ANKRD26: variants seen among roughly 807,000 people sequenced by gnomAD.
The protein encoded by ANKRD26 is ankyrin repeat domain 26, also known as ankyrin repeat domain-containing protein 26.
ANKRD26 carries 141 observed loss-of-function variants against 208.7 expected under a neutral mutation model. That is an observed-to-expected ratio of 0.68 (90% confidence interval 0.59 to 0.78). The LOEUF (loss-of-function observed/expected upper bound fraction) is 0.78. Among genes scored for constraint, ANKRD26 ranks in the 30% least tolerant of loss-of-function variants. The pLI is 0.00. For synonymous variants in ANKRD26, 636 were observed against 660.4 expected, an observed-to-expected ratio of 0.96 and a Z score of 0.57; for missense variants, 1,889 against 1,938.7, an observed-to-expected ratio of 0.97 and a Z score of 0.48.
chr10:26,975,928 T>A (rs1365952604), exon 6 of ANKRD26, among the ~76,000 whole-genome samples: 1 of 151,890 alleles, frequency 6.6e-6, no homozygotes, highest in South Asian at 2.1e-4. Context: ...ACGTAGGCAT[T>A]ACGTAGGATA....
the ANKRD26 span, among the ~76,000 whole-genome samples, chr10:26,953,321 G>C: frequency 7.2e-5 from 11 of 152,202 alleles, no homozygotes; most frequent in Non-Finnish European, 1.5e-4. Flanking sequence ...TACTCAGGAG[G>C]CTGAGGCAGG....
intron 5 of ANKRD26, 106 bp downstream of exon 5, chr10:27,086,433 T>C: frequency 6.9e-7 from 1 of 1,454,872 alleles, no homozygotes; most frequent in South Asian, 1.2e-5. Context: ...ACATGCACCT[T>C]ATACACTGAT....
chr10:27,010,417 T>C (rs2053058019), intron 32 of ANKRD26, among the ~76,000 whole-genome samples: 1 of 152,250 alleles, frequency 6.6e-6, no homozygotes, highest in Non-Finnish European at 1.5e-5. Context: ...AAAATGTTGT[T>C]ACCTGAGTTT....
intron 9 of ANKRD26, among the ~76,000 whole-genome samples, chr10:27,075,806 T>G (rs999622315): frequency 1.9e-4 from 29 of 152,316 alleles, no homozygotes; most frequent in Admixed American, 1.4e-3. Context: ...TACATGCTTT[T>G]AATAGGCATA....
intron 1 of ANKRD26, 31 bp downstream of exon 1, chr10:27,100,054 G>GCA: frequency 6.2e-7 from 1 of 1,612,696 alleles, no homozygotes; most frequent in Non-Finnish European, 8.5e-7. Context: ...TACTCCAGTG[G>GCA]CACTCAGTCC....
At chr10:27,051,512 G>C in intron 16 of ANKRD26, 7 of 1,022,892 alleles carry the variant, frequency 6.8e-6, no homozygotes, top group Non-Finnish European at 8.2e-6. Flanking sequence ...CTACTTCTGG[G>C]TTCCTTACTT....
intron 17 of ANKRD26, among the ~76,000 whole-genome samples, chr10:27,048,590 A>G (rs1179165943): frequency 6.6e-6 from 1 of 152,148 alleles, no homozygotes; most frequent in Non-Finnish European, 1.5e-5. Context: ...ATTTGCCATC[A>G]CTGGGTATTA....
At chr10:27,061,458 T>C (rs2055053028) in intron 12 of ANKRD26, among the ~76,000 whole-genome samples, 3 of 152,182 alleles carry the variant, frequency 2.0e-5, no homozygotes, top group Admixed American at 2.0e-4. Flanking sequence ...CTCTAAAGGA[T>C]TTTATGAAAC....
At chr10:27,002,378 G>A (rs1224803427), downstream of ANKRD26, among the ~76,000 whole-genome samples, 1 of 152,196 alleles carries the variant, frequency 6.6e-6, no homozygotes, top group African/African-American at 2.4e-5. Context: ...TCTGGGTGGA[G>A]TTTGCACGTT....
intron 4 of ANKRD26, among the ~76,000 whole-genome samples, 159 bp from the exon 5 acceptor site, chr10:27,086,768 G>GTTTTTTTTTT (rs36035101): frequency 5.2e-5 from 5 of 97,016 alleles, no homozygotes; most frequent in Admixed American, 2.9e-4. Flanking sequence ...AAACTTTTTT[G>GTTTTTTTTTT]TTTTTTTTTT....
downstream of ANKRD26, among the ~76,000 whole-genome samples, chr10:26,990,989 G>A (rs2052475699): frequency 6.6e-6 from 1 of 152,218 alleles, no homozygotes; most frequent in South Asian, 2.1e-4. Context: ...ACCACTCTCT[G>A]CCTGCGCAGA....
intron 25 of ANKRD26, among the ~76,000 whole-genome samples, chr10:27,031,456 CTA>C (rs1383807299): frequency 6.6e-6 from 1 of 152,118 alleles, no homozygotes; most frequent in Non-Finnish European, 1.5e-5. Context: ...TTGTATGACT[CTA>C]TTTATATGAA....
downstream of ANKRD26, among the ~76,000 whole-genome samples, chr10:26,972,722 C>T (rs1032846302): frequency 6.6e-6 from 1 of 151,706 alleles, no homozygotes; most frequent in African/African-American, 2.4e-5. Flanking sequence ...TCCCGAGCAG[C>T]TGGGACTACA....
At chr10:26,996,861 T>C (rs1354906483) in intron 4 of ANKRD26, among the ~76,000 whole-genome samples, 1 of 152,200 alleles carries the variant, frequency 6.6e-6, no homozygotes, top group Non-Finnish European at 1.5e-5. Flanking sequence ...TTGCCTTTTA[T>C]TTCACTTTTC....
At position 27,033,297 on chromosome 10, in the gene ANKRD26, C is replaced by T. The variant is rs199716344; in HGVS notation, c.3735G>A (p.Thr1245=). Residue 1245 remains threonine (T), a synonymous_variant, in exon 25 of 34, where the codon ACG becomes ACA. Transcript: ENST00000376087. ...CTTCTAAATTAATACGATAACGTGA[C>T]GTAACCTCCAGTGAAGCCTCTGACA... is the stretch of plus-strand genomic sequence containing the variant. ...QSMSEASLEV[T]SRYRINLEDE... 208 of 1,612,726 alleles carry T rather than the reference C, an allele frequency of 1.3e-4. No individual in the cohort carries two copies. The African/African-American group carries it at 2.3e-3, about 18-fold the overall frequency.
chr10:27,012,687 C>T (rs1459037388), intron 32 of ANKRD26, among the ~76,000 whole-genome samples, 195 bp downstream of exon 32: 1 of 152,060 alleles, frequency 6.6e-6, no homozygotes, highest in Admixed American at 6.6e-5. Context: ...GTGGCACACA[C>T]CTGTAATCCC....
chr10:27,023,424 CACT>C (rs2053555719), intron 28 of ANKRD26, among the ~76,000 whole-genome samples: 1 of 149,936 alleles, frequency 6.7e-6, no homozygotes, highest in African/African-American at 2.4e-5. Context: ...ATCCGTTGAC[CACT>C]GTTTATAAGA....
intron 12 of ANKRD26, 114 bp from the exon 13 acceptor site, chr10:27,061,356 T>A: frequency 1.5e-6 from 1 of 655,626 alleles, no homozygotes; most frequent in Non-Finnish European, 2.6e-6. Flanking sequence ...ATTAGTGCAG[T>A]TTTTTAAAAT....
In ANKRD26 at chr10:27,022,578, T is replaced by A; in HGVS notation, c.4195A>T (p.Ile1399Phe). Reference protein sequence around the residue: ...KTSQFEMDIQINKLKHKIDDL... With the variant: ...KTSQFEMDIQFNKLKHKIDDL... ...ATTACCTTATGTTTTAGCTTATTAATCTGAATATCCATTTCAAATTGACTA... is the reference window on the plus strand; with the variant it reads ...ATTACCTTATGTTTTAGCTTATTAAACTGAATATCCATTTCAAATTGACTA... Residue 1399 changes from isoleucine (I) to phenylalanine (F), a missense_variant, in exon 29 of 34, where the codon ATT (isoleucine) becomes TTT (phenylalanine). Around this residue, in one of 3 missense-constraint regions of ANKRD26, gnomAD observed 613 missense variants for 648.2 expected, o/e 0.95. Coordinates refer to ENST00000376087, the MANE Select transcript of ANKRD26 (RefSeq NM_014915.3). The A allele has an allele frequency of 6.5e-7, 1 of 1,537,892 alleles. No individual in the cohort carries two copies. Among genetic ancestry groups the A allele is most frequent in the Non-Finnish European group, 8.9e-7 (1 of 1,117,992 alleles).
Sources: allele counts gnomAD v4.1 joint callset (sites outside exome capture counted in the v4.1 genomes callset), GRCh38; gene constraint gnomAD v4.1.1; regional missense constraint gnomAD v4.1.1; transcripts MANE v1.5; gene names NCBI Gene and HGNC (gene_info 2026-07-23, HGNC 2026-07-21).